The following SEMA3B variants were observed in gnomAD, a reference collection of about 807,000 sequenced individuals.
The protein encoded by SEMA3B is semaphorin 3B.
In SEMA3B, 71 loss-of-function variants were observed where a neutral mutation model predicts 77.8. That is an observed-to-expected ratio of 0.91 (90% CI 0.75 to 1.11). SEMA3B has a LOEUF of 1.11. Among genes scored for constraint, SEMA3B ranks in the 50% most tolerant of loss-of-function variants. SEMA3B has a pLI of 0.00. For missense variants in SEMA3B, 968 were observed against 1,056.8 expected, an observed-to-expected ratio of 0.92 and a Z score of 1.17; for synonymous variants, 470 against 452.9, an observed-to-expected ratio of 1.04 and a Z score of -0.48.
intron 6 of SEMA3B, among the ~76,000 whole-genome samples, chr3:50,272,019 G>T (rs1701067658): frequency 6.6e-6 from 1 of 152,230 alleles, no homozygotes; most frequent in African/African-American, 2.4e-5. Flanking sequence ...GCTTGCACCT[G>T]TAATCCCAGC....
chr3:50,265,885 T>A (rs1204733723), upstream of SEMA3B, among the ~76,000 whole-genome samples: 1 of 152,166 alleles, frequency 6.6e-6, no homozygotes, highest in African/African-American at 2.4e-5. Flanking sequence ...CTCCCATCCC[T>A]GGAGACCTCC....
In SEMA3B at chr3:50,276,611, C is replaced by A; in HGVS notation, c.2155C>A (p.Leu719Met). The part of the protein sequence containing the change: ...MCRPQPALQS[L>M]PLESRRKGRN... ...CCGCCCGCAGCCTGCGCTGCAGTCA[C>A]TGCCCCTGGAGTCGCGGAGAAAGGG... The change falls in exon 17 of 17, where the codon CTG becomes ATG. Residue 719 changes from leucine to methionine, a missense_variant. Physicochemically the swap from Leu to Met is conservative, Grantham distance 15. Coordinates refer to ENST00000616701, the MANE Select transcript of SEMA3B (RefSeq NM_001290060.2). The surrounding 1 kb of genome is among the most constrained non-coding windows in gnomAD (Gnocchi z 5.8). 1 of 1,588,520 alleles carries A rather than the reference C, an allele frequency of 6.3e-7. No individual in the cohort carries two copies. Among genetic ancestry groups the A allele is most frequent in the Non-Finnish European group, 8.5e-7 (1 of 1,172,724 alleles).
rs368012055 is a variant in SEMA3B at position 50,269,448 on chromosome 3, G to A, written c.109+99G>A. 4.6e-5 allele frequency: 33 copies of A among 715,602 alleles called. No homozygotes were observed. Among genetic ancestry groups the A allele is most frequent in the Admixed American group, 3.1e-4 (10 of 32,688 alleles). The allele number at this position is 715,602 out of a possible 1,614,324, so 44.3% of individuals were successfully genotyped here. ...CTGTGTTGGCTGTTGCCCCATGTGC[G>A]TGCCTGTCACCAGACTCTGGTAGGA... is the stretch of plus-strand genomic sequence containing the variant. On this transcript the variant is annotated intron_variant, in intron 1 of 16. Transcript: ENST00000616701. The surrounding 1 kb of genome is among the most constrained non-coding windows in gnomAD (Gnocchi z 4.0).
In SEMA3B at chr3:50,276,491, CCCGCCGCG is replaced by C; in HGVS notation, c.2042_2049del (p.Ala681GlyfsTer46). ...ACTGGCGCGGGCCGAGGAGGCTGCG[CCCGCCGCG>C]CCGCCGGGCCCCAAACTCTGGTACC... On this transcript the variant is annotated frameshift_variant, in exon 17 of 17. Transcript: ENST00000616701. LOFTEE classifies it low-confidence loss of function (END_TRUNC). This position sits in a 1 kb window ranked among gnomAD's most constrained non-coding sequence, Gnocchi z 5.8. The C allele has an allele frequency of 6.5e-7, 1 of 1,531,058 alleles. No individual in the cohort carries two copies. The highest frequency in any genetic ancestry group is 8.7e-7 in the Non-Finnish European group (1 of 1,143,686). 94.8% of individuals were successfully genotyped at this position (1,531,058 alleles called of 1,614,324 possible). A position where few individuals can be genotyped will look rare whatever the true frequency, so the allele number is the denominator to read the frequency against.
In SEMA3B at chr3:50,275,053, G is replaced by A. The variant is rs1318784650; in HGVS notation, c.1491G>A (p.Arg497=). The A allele has an allele frequency of 6.3e-7, 1 of 1,584,226 alleles. No individual in the cohort carries two copies. The highest frequency in any genetic ancestry group is 1.3e-5 in the African/African-American group (1 of 74,554). The part of the protein sequence containing the change: ...AVTSMQISSK[R]HQLYVASRSA... ...CCAGCATGCAAATTTCTTCCAAGAG[G>A]GTGAGTGACCAGGATGGGGGTCGGG... is the stretch of plus-strand genomic sequence containing the variant. The change falls in exon 13 of 17, where the codon AGG becomes AGA. Residue 497 remains arginine, a splice_region_variant and synonymous_variant. Transcript: ENST00000616701. The surrounding 1 kb of genome is among the most constrained non-coding windows in gnomAD (Gnocchi z 7.5).
rs1701173437 is a variant in SEMA3B at position 50,274,784 on chromosome 3, G to GAC, written c.1358-56_1358-55dup. 6.4e-7 allele frequency: 1 copy of GAC among 1,566,404 alleles called. No individual in the cohort carries two copies. The highest frequency in any genetic ancestry group is 1.4e-5 in the African/African-American group (1 of 74,014). ...AGGGTAGACGCCTCAAAGGCGAGGA[G>GAC]ACACTAGCCCCAGCTGTCCGGGAGC... is the stretch of plus-strand genomic sequence containing the variant. On this transcript the variant is annotated intron_variant, in intron 11 of 16. Transcript: ENST00000616701. The surrounding 1 kb of genome is among the most constrained non-coding windows in gnomAD (Gnocchi z 4.7).
In SEMA3B at chr3:50,274,239, C is replaced by G; in HGVS notation, c.1138-124C>G. On this transcript the variant is annotated intron_variant, in intron 10 of 16. Transcript: ENST00000616701. This position sits in a 1 kb window ranked among gnomAD's most constrained non-coding sequence, Gnocchi z 4.7. ...TCCTAGGGCAAGGCTGATCTCCTCT[C>G]TAATTCTCAGGGCAGGGTTCTGTCC... 1 of 1,242,728 alleles carries G rather than the reference C, an allele frequency of 8.0e-7. No individual in the cohort carries two copies. Among genetic ancestry groups the G allele is most frequent in the South Asian group, 1.5e-5 (1 of 66,540 alleles). The allele number at this position is 1,242,728 out of a possible 1,614,324, so 77.0% of individuals were successfully genotyped here.
Position 50,276,207 on chromosome 3 carries a change from T to C in SEMA3B, c.1846-95T>C. 1.4e-6 allele frequency: 2 copies of C among 1,400,094 alleles called. No individual in the cohort carries two copies. The highest frequency in any genetic ancestry group is 1.5e-5 in the South Asian group (1 of 65,930). The allele number at this position is 1,400,094 out of a possible 1,614,324, so 86.7% of individuals were successfully genotyped here. A position where few individuals can be genotyped will look rare whatever the true frequency, so the allele number is the denominator to read the frequency against. On this transcript the variant is annotated intron_variant, in intron 16 of 16. Coordinates refer to ENST00000616701, the MANE Select transcript of SEMA3B (RefSeq NM_001290060.2). The surrounding 1 kb of genome is among the most constrained non-coding windows in gnomAD (Gnocchi z 5.8). ...CACCCCTTTCCCGCTCCACCTCGGC[T>C]CCCAATGACTCTTTGCTTCTTCCGT...
At position 50,273,730 on chromosome 3, in the gene SEMA3B, C is replaced by A; in HGVS notation, c.923-29C>A. ...CCCCCGCCGCAGCGGGGCTGTGCGC[C>A]CTACCCCAGCTAGGCCCCTTCCCCG... On this transcript the variant is annotated intron_variant, in intron 8 of 16. Transcript: ENST00000616701. This position sits in a 1 kb window ranked among gnomAD's most constrained non-coding sequence, Gnocchi z 6.5. 6.2e-7 allele frequency: 1 copy of A among 1,604,836 alleles called. No individual in the cohort carries two copies.
Position 50,273,917 on chromosome 3 carries a change from A to G in SEMA3B, c.997A>G (p.Ile333Val), listed in dbSNP as rs1559789024. Residue 333 changes from isoleucine (I) to valine (V), a missense_variant, in exon 10 of 17, where the codon ATC becomes GTC. Transcript: ENST00000616701. The surrounding 1 kb of genome is among the most constrained non-coding windows in gnomAD (Gnocchi z 6.5). The stretch of plus-strand genomic sequence containing the variant: ...CGCCCTGGTCTTCGCCTCCAGCAGC[A>G]TCTTCCAGGGCTCTGCGGTGTGCGT... ...LYAVFSTSSSIFQGSAVCVYS... is the reference protein window; with the variant it reads ...LYAVFSTSSSVFQGSAVCVYS... The G allele has an allele frequency of 6.3e-7, 1 of 1,599,842 alleles. No individual in the cohort carries two copies. Among genetic ancestry groups the G allele is most frequent in the Non-Finnish European group, 8.5e-7 (1 of 1,170,032 alleles).
Position 50,276,659 on chromosome 3 carries a change from C to A in SEMA3B, c.2203C>A (p.Pro735Thr). Residue 735 changes from proline (P) to threonine (T), a missense_variant, in exon 17 of 17, where the codon CCT (proline) becomes ACT (threonine). By Grantham distance (38) the Pro-to-Thr change is conservative. Transcript: ENST00000616701. This position sits in a 1 kb window ranked among gnomAD's most constrained non-coding sequence, Gnocchi z 5.8. ...RKGRNRRTHA[P>T]EPRAERGPRS... ...GGGCCGTAACCGGAGGACCCACGCC[C>A]CTGAGCCTCGCGCTGAGCGGGGGCC... 1.3e-6 allele frequency: 2 copies of A among 1,585,472 alleles called. No homozygotes were observed. Among genetic ancestry groups the A allele is most frequent in the East Asian group, 2.3e-5 (1 of 43,694 alleles).
upstream of SEMA3B, chr3:50,263,476 G>A (rs1193249958): frequency 2.1e-5 from 3 of 142,190 alleles, no homozygotes; most frequent in Non-Finnish European, 1.5e-5. Flanking sequence ...TCCAGCCTGG[G>A]TGGCAAAGCA....
Position 50,273,659 on chromosome 3 carries a change from G to A in SEMA3B, c.922+13G>A. On this transcript the variant is annotated intron_variant, in intron 8 of 16. Transcript: ENST00000616701. The surrounding 1 kb of genome is among the most constrained non-coding windows in gnomAD (Gnocchi z 6.5). The stretch of plus-strand genomic sequence containing the variant: ...TTCGATCAGCTCCGTGAGTGCGGGA[G>A]TGGGTATGGGGTTGGGGAGGGGGGC... The A allele has an allele frequency of 6.2e-7, 1 of 1,607,976 alleles. No homozygotes were observed. The highest frequency in any genetic ancestry group is 8.5e-7 in the Non-Finnish European group (1 of 1,178,896).
upstream of SEMA3B, among the ~76,000 whole-genome samples, chr3:50,264,911 C>A (rs1003593031): frequency 6.6e-6 from 1 of 151,810 alleles, no homozygotes; most frequent in African/African-American, 2.4e-5. Context: ...GAGGAATGTG[C>A]AGGAGGGGAG....
upstream of SEMA3B, chr3:50,266,715 A>G (rs116603694): frequency 6.5e-3 from 993 of 152,362 alleles, 4 homozygotes; most frequent in Middle Eastern, 0.024. Context: ...CAGTCCCTCC[A>G]GAGAAGTACC....
chr3:50,271,068 C>T lies in SEMA3B; in HGVS notation c.451-20C>T. 1 of 1,575,710 alleles carries T rather than the reference C, an allele frequency of 6.3e-7. No individual in the cohort carries two copies. The highest frequency in any genetic ancestry group is 8.6e-7 in the Non-Finnish European group (1 of 1,160,558). On this transcript the variant is annotated intron_variant, in intron 4 of 16. Transcript: ENST00000616701. ...GAGGGTAAGAAGGGCCTGGTAGTCA[C>T]AACTTGCCACACCTCCCAGGAGCCC...
chr3:50,263,911 G>A (rs1173961578), upstream of SEMA3B, among the ~76,000 whole-genome samples: 1 of 151,984 alleles, frequency 6.6e-6, no homozygotes, highest in Non-Finnish European at 1.5e-5. Context: ...TAATTGTACT[G>A]AGGTGGCCGG....
chr3:50,274,840 C>T lies in SEMA3B; in HGVS notation c.1358-3C>T. 12 of 1,610,638 alleles carry T rather than the reference C, an allele frequency of 7.5e-6. No homozygotes were observed. The highest frequency in any genetic ancestry group is 1.3e-5 in the African/African-American group (1 of 74,990). Reference sequence around the variant, plus strand: ...TGGTCATTACCCCTTCTCATCCCTGCAGACGTTGGCACGGTGCTGAAGGTG... The same window carrying T: ...TGGTCATTACCCCTTCTCATCCCTGTAGACGTTGGCACGGTGCTGAAGGTG... On this transcript the variant is annotated splice_polypyrimidine_tract_variant and splice_region_variant and intron_variant, in intron 11 of 16. Coordinates refer to ENST00000616701, the MANE Select transcript of SEMA3B (RefSeq NM_001290060.2). This position sits in a 1 kb window ranked among gnomAD's most constrained non-coding sequence, Gnocchi z 4.7.
At position 50,270,269 on chromosome 3, in the gene SEMA3B, C is replaced by T; in HGVS notation, c.252C>T (p.Ser84=). 6.2e-7 allele frequency: 1 copy of T among 1,613,428 alleles called. No individual in the cohort carries two copies. Among genetic ancestry groups the T allele is most frequent in the African/African-American group, 1.3e-5 (1 of 75,040 alleles). The part of the protein sequence containing the change: ...HVASLNLDNI[S]KRAKKLAWPA... ...CCTCCCTCAACCTGGACAACATCAG[C>T]AAGCGGGCCAAGAAGGTGCCAGGGA... The change falls in exon 2 of 17, where the codon AGC becomes AGT. Residue 84 remains serine (S), a synonymous_variant. Coordinates refer to ENST00000616701, the MANE Select transcript of SEMA3B (RefSeq NM_001290060.2). This position sits in a 1 kb window ranked among gnomAD's most constrained non-coding sequence, Gnocchi z 4.7.
Sources: allele counts gnomAD v4.1 joint callset (sites outside exome capture counted in the v4.1 genomes callset), GRCh38; gene constraint gnomAD v4.1.1; non-coding constraint Gnocchi (gnomAD v3.1); transcripts MANE v1.5; gene names NCBI Gene and HGNC (gene_info 2026-07-23, HGNC 2026-07-21).